The following STX12 variants were observed in gnomAD, a reference collection of about 807,000 sequenced individuals.
STX12 encodes the protein syntaxin 12.
STX12 carries 17 observed loss-of-function variants against 42.2 expected under a neutral mutation model. The ratio of observed to expected loss-of-function variants is 0.40; its 90% CI spans 0.28 to 0.60. The LOEUF (loss-of-function observed/expected upper bound fraction) is 0.60. Among genes scored for constraint, STX12 ranks in the 20% least tolerant of loss-of-function variants. The pLI is 0.39. For missense variants in STX12, 297 were observed against 330.9 expected, an observed-to-expected ratio of 0.90 and a Z score of 0.79; for synonymous variants, 108 against 116.7, an observed-to-expected ratio of 0.93 and a Z score of 0.48.
chr1:27,805,208 A>C (rs1469450292), intron 4 of STX12, among the ~76,000 whole-genome samples: 3 of 152,230 alleles, frequency 2.0e-5, no homozygotes, highest in Non-Finnish European at 4.4e-5. Context: ...AGTTTTGTTT[A>C]TATGAGTCAT....
chr1:27,787,468 G>C (rs1370179973), intron 1 of STX12, among the ~76,000 whole-genome samples: 1 of 152,108 alleles, frequency 6.6e-6, no homozygotes, highest in African/African-American at 2.4e-5. Context: ...AGACCAGCCT[G>C]ACCAACATGG....
rs546177782 is a variant in STX12, at chr1:27,817,980, C to G, written c.649+57C>G. The G allele has an allele frequency of 7.6e-4, 1,107 of 1,465,864 alleles. 24 individuals are homozygous for G. In the South Asian group the frequency reaches 0.012, roughly 16 times the overall value. The allele number at this position is 1,465,864 out of a possible 1,614,324, so 90.8% of individuals were successfully genotyped here. On this transcript the variant is annotated intron_variant, in intron 7 of 8. Transcript: ENST00000373943. ...TGAGTTGATAGTATTTGGCATGCATCTGTAATCCCAGCTACTCAGAAGGCT... is the reference window on the plus strand; with the variant it reads ...TGAGTTGATAGTATTTGGCATGCATGTGTAATCCCAGCTACTCAGAAGGCT...
chr1:27,800,136 C>T (rs917145243), intron 3 of STX12, among the ~76,000 whole-genome samples: 2 of 152,246 alleles, frequency 1.3e-5, no homozygotes, highest in Non-Finnish European at 2.9e-5. Flanking sequence ...CATTACTAAA[C>T]GTGTAGTTCC....
At chr1:27,774,395 A>C (rs1045665884) in intron 1 of STX12, among the ~76,000 whole-genome samples, 7 of 152,228 alleles carry the variant, frequency 4.6e-5, no homozygotes, top group African/African-American at 1.7e-4. Flanking sequence ...GGTGGTCATC[A>C]TCCTTGTTGT....
chr1:27,815,085 C>A (rs1386417998), intron 6 of STX12, among the ~76,000 whole-genome samples: 1 of 151,848 alleles, frequency 6.6e-6, no homozygotes, highest in Non-Finnish European at 1.5e-5. Flanking sequence ...AGTAATGTAA[C>A]ATTATATAAG....
chr1:27,817,612 C>T (rs2088952325), intron 6 of STX12, among the ~76,000 whole-genome samples: 3 of 152,170 alleles, frequency 2.0e-5, no homozygotes, highest in Non-Finnish European at 2.9e-5. Flanking sequence ...TGGACTTGGG[C>T]GCTCTTACTG....
At chr1:27,808,304 CTTTG>C (rs1305068281) in intron 4 of STX12, among the ~76,000 whole-genome samples, 4 of 148,562 alleles carry the variant, frequency 2.7e-5, no homozygotes, top group Non-Finnish European at 6.0e-5. Flanking sequence ...ACCATTTTTG[CTTTG>C]TTTTTTATTT....
chr1:27,775,277 A>G (rs551334108), intron 1 of STX12, among the ~76,000 whole-genome samples: 1 of 152,200 alleles, frequency 6.6e-6, no homozygotes, highest in African/African-American at 2.4e-5. Context: ...ATTTAAATTT[A>G]AATTTTTATT....
intron 1 of STX12, among the ~76,000 whole-genome samples, chr1:27,775,383 T>G (rs889281883): frequency 6.6e-6 from 1 of 152,190 alleles, no homozygotes; most frequent in Non-Finnish European, 1.5e-5. Flanking sequence ...GCAGTCCTCC[T>G]GCCTCAGCCC....
At chr1:27,792,118 TAA>T (rs2088746724) in intron 2 of STX12, among the ~76,000 whole-genome samples, 1 of 130,260 alleles carries the variant, frequency 7.7e-6, no homozygotes, top group South Asian at 2.2e-4. Flanking sequence ...TATAAATATA[TAA>T]TATATATCTA....
intron 7 of STX12, among the ~76,000 whole-genome samples, chr1:27,818,449 G>A (rs972710436): frequency 5.3e-5 from 8 of 151,424 alleles, no homozygotes; most frequent in African/African-American, 9.7e-5. Flanking sequence ...TAGGAATGCC[G>A]TTTTAAAAAT....
In STX12 at chr1:27,822,638, A is replaced by G. The variant is rs2088992825; in HGVS notation, c.*309A>G. The G allele has an allele frequency of 1.2e-5, 3 of 256,772 alleles. No individual in the cohort carries two copies. The highest frequency in any genetic ancestry group is 4.9e-5 in the Admixed American group (1 of 20,530). The allele number at this position is 256,772 out of a possible 1,614,324, so 15.9% of individuals were successfully genotyped here. On this transcript the variant is annotated 3_prime_UTR_variant, in exon 9 of 9. Transcript: ENST00000373943. ...ATTCTAGATATTCTTGTTTTGACAA[A>G]TGACACTACAGTCTCGTAATATTGT...
intron 3 of STX12, among the ~76,000 whole-genome samples, chr1:27,795,616 A>G (rs1220348752): frequency 6.6e-6 from 1 of 152,064 alleles, no homozygotes; most frequent in Admixed American, 6.6e-5. Flanking sequence ...CATGTTGTCA[A>G]ATTCTTATTG....
chr1:27,774,388 G>C (rs904687758), intron 1 of STX12, among the ~76,000 whole-genome samples: 1 of 152,138 alleles, frequency 6.6e-6, no homozygotes, highest in Non-Finnish European at 1.5e-5. Flanking sequence ...AAAGAATGGT[G>C]GTCATCATCC....
At chr1:27,799,052 G>C (rs979766205) in intron 3 of STX12, among the ~76,000 whole-genome samples, 1 of 152,046 alleles carries the variant, frequency 6.6e-6, no homozygotes, top group African/African-American at 2.4e-5. Context: ...TGCACGGTAA[G>C]GTTAGGGAAT....
At chr1:27,807,366 C>T (rs2088868825) in intron 4 of STX12, among the ~76,000 whole-genome samples, 1 of 152,142 alleles carries the variant, frequency 6.6e-6, no homozygotes, top group Admixed American at 6.6e-5. Context: ...CCCACCATTG[C>T]TTTTGCTCCG....
Position 27,822,425 on chromosome 1 carries a change from C to A in STX12, c.*96C>A. 1.3e-6 allele frequency: 1 copy of A among 791,178 alleles called. No individual in the cohort carries two copies. Among genetic ancestry groups the A allele is most frequent in the South Asian group, 1.4e-5 (1 of 70,064 alleles). 49.0% of individuals were successfully genotyped at this position (791,178 alleles called of 1,614,324 possible). A position where few individuals can be genotyped will look rare whatever the true frequency, so the allele number is the denominator to read the frequency against. On this transcript the variant is annotated 3_prime_UTR_variant, in exon 9 of 9. Coordinates refer to ENST00000373943, the MANE Select transcript of STX12 (RefSeq NM_177424.3). Reference sequence around the variant, plus strand: ...CTGATCACAAGAAGACAGCATATATCAGAACGTCCTGTAATCATTTAGTTA... The same window carrying A: ...CTGATCACAAGAAGACAGCATATATAAGAACGTCCTGTAATCATTTAGTTA...
At chr1:27,787,603 G>T (rs1405877085) in intron 1 of STX12, among the ~76,000 whole-genome samples, 1 of 151,764 alleles carries the variant, frequency 6.6e-6, no homozygotes, top group Admixed American at 6.6e-5. Context: ...AGGTTGCAGT[G>T]AGCCGAGATC....
At chr1:27,781,581 T>C (rs1262965785) in intron 1 of STX12, among the ~76,000 whole-genome samples, 4 of 152,226 alleles carry the variant, frequency 2.6e-5, no homozygotes, top group African/African-American at 9.6e-5. Flanking sequence ...CAGTCCCTGC[T>C]ACATAGTAAG....
Sources: allele counts gnomAD v4.1 joint callset (sites outside exome capture counted in the v4.1 genomes callset), GRCh38; gene constraint gnomAD v4.1.1; transcripts MANE v1.5; gene names NCBI Gene and HGNC (gene_info 2026-07-23, HGNC 2026-07-21).